PTER: variants seen among roughly 807,000 people sequenced by gnomAD.
The protein encoded by PTER is N-acetyltaurine hydrolase.
PTER carries 38 observed loss-of-function variants against 29.6 expected under a neutral mutation model. That is an observed-to-expected ratio of 1.28 (90% CI 0.99 to 1.68). PTER has a LOEUF of 1.68. Ranked by LOEUF, PTER falls within the 40% of genes most tolerant of loss-of-function variation. The pLI, the probability that PTER is intolerant of heterozygous loss-of-function variation, is 0.00. For synonymous variants in PTER, 172 were observed against 154.5 expected, an observed-to-expected ratio of 1.11 and a Z score of -0.84; for missense variants, 482 against 427.8, an observed-to-expected ratio of 1.13 and a Z score of -1.12.
At chr10:16,463,134 A>G (rs1834681542) in intron 1 of PTER, among the ~76,000 whole-genome samples, 1 of 148,486 alleles carries the variant, frequency 6.7e-6, no homozygotes, top group African/African-American at 2.5e-5. Context: ...CGGAGGTTGC[A>G]GTGAGCCAAG....
chr10:16,440,513 C>G (rs1395654583), intron 1 of PTER, among the ~76,000 whole-genome samples: 3 of 152,190 alleles, frequency 2.0e-5, no homozygotes, highest in Admixed American at 2.0e-4. Context: ...CACCTGAGTA[C>G]AAATACCTCT....
chr10:16,476,146 C>T (rs1029689322), intron 1 of PTER: 3 of 152,106 alleles, frequency 2.0e-5, no homozygotes, highest in African/African-American at 7.2e-5. Context: ...TGCAATGGTA[C>T]GGCCTTGGCT....
chr10:16,439,811 C>G (rs1321739720), intron 1 of PTER, among the ~76,000 whole-genome samples: 1 of 152,178 alleles, frequency 6.6e-6, no homozygotes, highest in African/African-American at 2.4e-5. Context: ...GATCTTCCCA[C>G]CTCGGCCTCC....
chr10:16,474,308 G>A (rs1835172646), intron 1 of PTER, among the ~76,000 whole-genome samples: 1 of 152,070 alleles, frequency 6.6e-6, no homozygotes, highest in Non-Finnish European at 1.5e-5. Context: ...CATCACTGGG[G>A]TACAAAAGTC....
chr10:16,514,803 T>C (rs1836923239), downstream of PTER: 1 of 877,534 alleles, frequency 1.1e-6, no homozygotes, highest in Admixed American at 2.6e-5. Context: ...CTTGCTGCCA[T>C]AGTACAGAAT....
At chr10:16,491,204 C>T (rs112754336) in intron 3 of PTER, among the ~76,000 whole-genome samples, 2 of 152,224 alleles carry the variant, frequency 1.3e-5, no homozygotes, top group Admixed American at 6.5e-5. Flanking sequence ...GGATTATTCA[C>T]GGTTCCAGTG....
At chr10:16,493,182 A>G (rs1332268524) in intron 3 of PTER, among the ~76,000 whole-genome samples, 2 of 152,206 alleles carry the variant, frequency 1.3e-5, no homozygotes, top group Non-Finnish European at 2.9e-5. Context: ...CACAAAAAAT[A>G]ATTATTTGGT....
chr10:16,482,895 C>T (rs1588614361), intron 1 of PTER, among the ~76,000 whole-genome samples: 1 of 152,084 alleles, frequency 6.6e-6, no homozygotes, highest in Non-Finnish European at 1.5e-5. Flanking sequence ...AATTCTTCTG[C>T]CTCAGCCTCC....
intron 1 of PTER, among the ~76,000 whole-genome samples, chr10:16,478,287 T>C (rs1057130148): frequency 3.9e-5 from 6 of 152,058 alleles, no homozygotes; most frequent in Admixed American, 3.9e-4. Context: ...TCGATCTGGG[T>C]TGAAATACTG....
chr10:16,490,597 C>A (rs1835863617), intron 3 of PTER, among the ~76,000 whole-genome samples: 1 of 151,754 alleles, frequency 6.6e-6, no homozygotes, highest in South Asian at 2.1e-4. Flanking sequence ...TACTTTCCCA[C>A]CAGCTAAACC....
chr10:16,459,416 C>T (rs1244276702), intron 1 of PTER, among the ~76,000 whole-genome samples: 1 of 152,194 alleles, frequency 6.6e-6, no homozygotes, highest in Admixed American at 6.5e-5. Context: ...CCACATTTGT[C>T]TCTGTTTAAG....
At chr10:16,489,144 CT>C (rs1418546501) in intron 3 of PTER, among the ~76,000 whole-genome samples, 1 of 152,144 alleles carries the variant, frequency 6.6e-6, no homozygotes, top group African/African-American at 2.4e-5. Context: ...GCTATAATTT[CT>C]TCAGTTTGAT....
At chr10:16,456,865 G>GGGC (rs1468584876) in intron 1 of PTER, among the ~76,000 whole-genome samples, 3 of 115,388 alleles carry the variant, frequency 2.6e-5, no homozygotes, top group South Asian at 3.8e-4. Flanking sequence ...GGGAAGGTGG[G>GGGC]GGGGGGTTCC....
At chr10:16,443,395 A>T (rs1189770978) in intron 1 of PTER, among the ~76,000 whole-genome samples, 2 of 152,222 alleles carry the variant, frequency 1.3e-5, no homozygotes, top group Non-Finnish European at 2.9e-5. Flanking sequence ...TGCAACAGAC[A>T]AATTTTGCAG....
intron 3 of PTER, 192 bp downstream of exon 3, chr10:16,486,809 C>G (rs1457711771): frequency 3.5e-5 from 22 of 627,696 alleles, no homozygotes; most frequent in Non-Finnish European, 4.8e-5. Context: ...TGTGTCCCTC[C>G]TCTGTGTCAG....
At chr10:16,439,756 T>C (rs1833782331) in intron 1 of PTER, among the ~76,000 whole-genome samples, 1 of 152,076 alleles carries the variant, frequency 6.6e-6, no homozygotes, top group African/African-American at 2.4e-5. Context: ...AGATGGGGGG[T>C]CTTGTTTTGT....
chr10:16,476,065 A>C (rs1392491179), intron 1 of PTER: 1 of 152,112 alleles, frequency 6.6e-6, no homozygotes. Flanking sequence ...TTTAATAATC[A>C]TAATCCTGAA....
chr10:16,508,562 T>A (rs1423529669), intron 4 of PTER, among the ~76,000 whole-genome samples: 1 of 152,170 alleles, frequency 6.6e-6, no homozygotes, highest in Non-Finnish European at 1.5e-5. Context: ...AAGGGTCAGA[T>A]GACCGATGGC....
intron 4 of PTER, among the ~76,000 whole-genome samples, chr10:16,507,237 CTGTATG>C (rs965482901): frequency 2.8e-5 from 4 of 141,908 alleles, no homozygotes; most frequent in African/African-American, 8.3e-5. Flanking sequence ...AATATATATA[CTGTATG>C]TGTATGTGTA....
Sources: allele counts gnomAD v4.1 joint callset (sites outside exome capture counted in the v4.1 genomes callset), GRCh38; gene constraint gnomAD v4.1.1; transcripts MANE v1.5; gene names NCBI Gene and HGNC (gene_info 2026-07-23, HGNC 2026-07-21).